The following RBL2 variants were observed in gnomAD, a reference collection of about 807,000 sequenced individuals.
RBL2 encodes the protein RB transcriptional corepressor like 2, also known as retinoblastoma-like protein 2.
In RBL2, 56 loss-of-function variants were observed where a neutral mutation model predicts 126.0. The ratio of observed to expected loss-of-function variants is 0.44; its 90% CI spans 0.36 to 0.56. The LOEUF (loss-of-function observed/expected upper bound fraction) is 0.56, where lower values mean the gene tolerates loss of function less well. Among genes scored for constraint, RBL2 ranks in the 20% least tolerant of loss-of-function variants. RBL2 has a pLI of 0.00. For synonymous variants in RBL2, 454 were observed against 478.5 expected, an observed-to-expected ratio of 0.95 and a Z score of 0.67; for missense variants, 1,229 against 1,398.2, an observed-to-expected ratio of 0.88 and a Z score of 1.93.
chr16:53,444,381 C>T (rs1167315072), intron 3 of RBL2, among the ~76,000 whole-genome samples: 3 of 151,598 alleles, frequency 2.0e-5, no homozygotes, highest in Non-Finnish European at 4.4e-5. Flanking sequence ...GGCGAAACCC[C>T]GTCTCTACTA....
intron 17 of RBL2, among the ~76,000 whole-genome samples, chr16:53,475,976 C>T (rs904900362): frequency 2.7e-5 from 4 of 150,910 alleles, no homozygotes; most frequent in East Asian, 1.9e-4. Flanking sequence ...GGACCACAGC[C>T]GTGCACCACC....
chr16:53,470,440 G>T lies in RBL2; in HGVS notation c.2303G>T (p.Gly768Val), dbSNP rs1224857615. The T allele has an allele frequency of 6.2e-7, 1 of 1,614,134 alleles. No homozygotes were observed. Among genetic ancestry groups the T allele is most frequent in the East Asian group, 2.2e-5 (1 of 44,862 alleles). The part of the protein sequence containing the change: ...TFFPVQVNVG[G>V]QAQAVTGSIQ... ...TTCCCTGTCCAAGTCAATGTTGGGG[G>T]GCAGGCACAAGCTGTGACAGGCTCC... The change falls in exon 16 of 22, where the codon GGG (glycine) becomes GTG (valine). Residue 768 changes from glycine (G) to valine (V), a missense_variant. By Grantham distance (109) the Gly-to-Val change is moderately radical. Around this residue, in one of 2 missense-constraint regions of RBL2, gnomAD observed 1,070 missense variants for 1,274.3 expected, o/e 0.84. Coordinates refer to ENST00000262133, the MANE Select transcript of RBL2 (RefSeq NM_005611.4).
At chr16:53,481,946 A>T in intron 21 of RBL2, 111 bp downstream of exon 21, 1 of 1,277,874 alleles carries the variant, frequency 7.8e-7, no homozygotes, top group Non-Finnish European at 1.1e-6. Flanking sequence ...GCTGCCAGGG[A>T]GCAGTGATCA....
At chr16:53,474,427 C>T (rs1268804919) in intron 17 of RBL2, among the ~76,000 whole-genome samples, 3 of 152,142 alleles carry the variant, frequency 2.0e-5, no homozygotes, top group Non-Finnish European at 4.4e-5. Flanking sequence ...AGCAATTCTC[C>T]TGCCTCAGCC....
At chr16:53,467,260 A>G in intron 14 of RBL2, 91 bp downstream of exon 14, 1 of 1,013,232 alleles carries the variant, frequency 9.9e-7, no homozygotes, top group Non-Finnish European at 1.5e-6. Flanking sequence ...AATAGGGTAT[A>G]CATAGAAGAA....
rs1431874372 is a variant in RBL2 at position 53,454,768 on chromosome 16, C to G, written c.1105C>G (p.Leu369Val). The change falls in exon 8 of 22, where the codon CTG (leucine) becomes GTG (valine). Residue 369 changes from leucine to valine, a missense_variant. Coordinates refer to ENST00000262133, the MANE Select transcript of RBL2 (RefSeq NM_005611.4). ...GGAAATTGGGACTCTCTCAAGGTGT[C>G]TGAACGCTGGTTCAGGAACAGAGAC... is the stretch of plus-strand genomic sequence containing the variant. Reference protein sequence around the residue: ...EEEIGTLSRCLNAGSGTETAE... With the variant: ...EEEIGTLSRCVNAGSGTETAE... The G allele has an allele frequency of 6.2e-6, 10 of 1,614,038 alleles. No homozygotes were observed. In the East Asian group the frequency reaches 2.2e-4, roughly 36 times the overall value.
intron 21 of RBL2, chr16:53,487,820 C>A (rs1961235620): frequency 6.6e-6 from 1 of 152,156 alleles, no homozygotes; most frequent in African/African-American, 2.4e-5. Flanking sequence ...AAAGAATTCT[C>A]AAAATTCAGT....
Position 53,459,575 on chromosome 16 carries a change from G to T in RBL2, c.1304G>T (p.Gly435Val). The change falls in exon 9 of 22, where the codon GGC (glycine) becomes GTC (valine). Residue 435 changes from glycine to valine, a missense_variant. Transcript: ENST00000262133. ...SLSRLHTMLT[G>V]LRNAPSEKLE... ...AGTCGTCTTCACACCATGCTGACAG[G>T]CCTCAGGAATGCACCAAGTGAGAAA... 9 of 1,589,394 alleles carry T rather than the reference G, an allele frequency of 5.7e-6. No individual in the cohort carries two copies. Among genetic ancestry groups the T allele is most frequent in the Non-Finnish European group, 7.7e-6 (9 of 1,171,800 alleles).
At chr16:53,481,380 C>T (rs1367969242) in intron 20 of RBL2, 1 of 280,324 alleles carries the variant, frequency 3.6e-6, no homozygotes, top group Non-Finnish European at 6.6e-6. Flanking sequence ...TTTCTCTGTA[C>T]CTCATTTCCT....
intron 14 of RBL2, among the ~76,000 whole-genome samples, chr16:53,469,637 G>C (rs936865716): frequency 3.9e-5 from 6 of 152,158 alleles, no homozygotes; most frequent in African/African-American, 1.4e-4. Context: ...AGTAGTGGAA[G>C]ACAGAGTCAG....
At position 53,434,713 on chromosome 16, in the gene RBL2, T is replaced by C; in HGVS notation, c.157T>C (p.Cys53Arg). ...GATCCAGCAGCGGTTCGACGAGCTG[T>C]GCAGCCGCCTCAACATGGACGAGGC... is the stretch of plus-strand genomic sequence containing the variant. Reference protein sequence around the residue: ...PQIQQRFDELCSRLNMDEAAR... With the variant: ...PQIQQRFDELRSRLNMDEAAR... Residue 53 changes from cysteine (C) to arginine (R), a missense_variant, in exon 1 of 22, where the codon TGC becomes CGC. Coordinates refer to ENST00000262133, the MANE Select transcript of RBL2 (RefSeq NM_005611.4). The C allele has an allele frequency of 6.4e-7, 1 of 1,559,640 alleles. No individual in the cohort carries two copies. Among genetic ancestry groups the C allele is most frequent in the Non-Finnish European group, 8.6e-7 (1 of 1,162,710 alleles).
chr16:53,461,915 C>G, intron 10 of RBL2, 65 bp downstream of exon 10: 4 of 1,348,298 alleles, frequency 3.0e-6, no homozygotes, highest in Non-Finnish European at 4.2e-6. Flanking sequence ...TCATTTCTTA[C>G]TAACTAAGAA....
In RBL2 at chr16:53,490,303, T is replaced by C; in HGVS notation, c.*3T>C. 1 of 1,596,480 alleles carries C rather than the reference T, an allele frequency of 6.3e-7. No homozygotes were observed. The highest frequency in any genetic ancestry group is 8.6e-7 in the Non-Finnish European group (1 of 1,169,580). ...CTAATGACCGTGGTTCCCACTGAGG[T>C]TAGTCTCTTGTATTAAACTCTTCAC... is the stretch of plus-strand genomic sequence containing the variant. On this transcript the variant is annotated 3_prime_UTR_variant, in exon 22 of 22. Transcript: ENST00000262133.
At chr16:53,450,240 A>G (rs182874683) in intron 4 of RBL2, among the ~76,000 whole-genome samples, 30 of 152,124 alleles carry the variant, frequency 2.0e-4, no homozygotes, top group African/African-American at 5.5e-4. Flanking sequence ...TGATTTGTTG[A>G]ATGTTTCCAT....
intron 8 of RBL2, among the ~76,000 whole-genome samples, chr16:53,458,794 C>T (rs1056263757): frequency 1.3e-5 from 2 of 152,060 alleles, no homozygotes; most frequent in African/African-American, 2.4e-5. Flanking sequence ...CTGATAAGGC[C>T]GTCAGATCTC....
At chr16:53,440,169 G>A (rs976693795) in intron 2 of RBL2, among the ~76,000 whole-genome samples, 22 of 151,804 alleles carry the variant, frequency 1.4e-4, no homozygotes, top group South Asian at 4.2e-4. Flanking sequence ...GGTGACATGC[G>A]CCTGTAATCT....
At chr16:53,438,083 T>C (rs1160075908) in intron 1 of RBL2, among the ~76,000 whole-genome samples, 4 of 152,124 alleles carry the variant, frequency 2.6e-5, no homozygotes, top group African/African-American at 9.7e-5. Flanking sequence ...TTACTATGGC[T>C]ATATAGCAAA....
chr16:53,459,236 C>T (rs374062899), intron 8 of RBL2, among the ~76,000 whole-genome samples: 12 of 152,148 alleles, frequency 7.9e-5, no homozygotes, highest in African/African-American at 2.9e-4. Flanking sequence ...TTCTTTCACA[C>T]CTTCGTCTTC....
chr16:53,453,414 G>A (rs780739013), intron 5 of RBL2, 38 bp from the exon 6 acceptor site: 1 of 1,576,508 alleles, frequency 6.3e-7, no homozygotes, highest in Non-Finnish European at 8.7e-7. Context: ...GGCTTATTGT[G>A]TGCTGATATC....
Sources: allele counts gnomAD v4.1 joint callset (sites outside exome capture counted in the v4.1 genomes callset), GRCh38; gene constraint gnomAD v4.1.1; regional missense constraint gnomAD v4.1.1; transcripts MANE v1.5; gene names NCBI Gene and HGNC (gene_info 2026-07-23, HGNC 2026-07-21).